The following FAT3 variants were observed in gnomAD, a reference collection of about 807,000 sequenced individuals.
The protein encoded by FAT3 is protocadherin Fat 3.
Under a neutral mutation model 310.2 loss-of-function variants are expected in FAT3, and 95 were observed. The ratio of observed to expected loss-of-function variants is 0.31; its 90% CI spans 0.26 to 0.36. The LOEUF (loss-of-function observed/expected upper bound fraction) is 0.36, where lower values mean the gene tolerates loss of function less well. Ranked by LOEUF, FAT3 falls within the 10% of genes least tolerant of loss-of-function variation. The pLI is 1.00. For synonymous variants in FAT3, 2,314 were observed against 2,192.9 expected, an observed-to-expected ratio of 1.06 and a Z score of -1.54; for missense variants, 5,408 against 5,715.6, an observed-to-expected ratio of 0.95 and a Z score of 1.74.
intron 3 of FAT3, among the ~76,000 whole-genome samples, chr11:92,673,824 A>C (rs867946685): frequency 4.6e-5 from 7 of 152,266 alleles, no homozygotes; most frequent in South Asian, 4.1e-4. Flanking sequence ...CAGGTGAGTG[A>C]GGAATCCTCC....
At chr11:92,642,267 T>C (rs1291626957) in intron 3 of FAT3, among the ~76,000 whole-genome samples, 2 of 152,242 alleles carry the variant, frequency 1.3e-5, no homozygotes, top group African/African-American at 4.8e-5. Flanking sequence ...CTTTGGGTTC[T>C]CCAGTGCCAT....
intron 23 of FAT3, among the ~76,000 whole-genome samples, chr11:92,881,943 A>G (rs1591849285): frequency 2.0e-5 from 3 of 152,174 alleles, no homozygotes; most frequent in Admixed American, 6.5e-5. Flanking sequence ...GTAGCCCTTC[A>G]CCCACCCACC....
intron 24 of FAT3, among the ~76,000 whole-genome samples, chr11:92,884,283 A>G (rs1949748516): frequency 6.6e-6 from 1 of 152,142 alleles, no homozygotes; most frequent in Admixed American, 6.5e-5. Flanking sequence ...GATAATTTAC[A>G]TTTTTTAAAG....
At chr11:92,415,173 T>G (rs901061451) in intron 2 of FAT3, among the ~76,000 whole-genome samples, 10 of 152,184 alleles carry the variant, frequency 6.6e-5, no homozygotes, top group African/African-American at 2.2e-4. Context: ...TCCTGCCAAT[T>G]TCAGTGTGGA....
intron 3 of FAT3, among the ~76,000 whole-genome samples, chr11:92,564,184 G>T (rs1955345065): frequency 6.6e-6 from 1 of 152,142 alleles, no homozygotes; most frequent in African/African-American, 2.4e-5. Context: ...ATAAAAGGAT[G>T]AAGGAAGATC....
chr11:92,491,782 C>G (rs571657531), intron 2 of FAT3, among the ~76,000 whole-genome samples: 4 of 152,148 alleles, frequency 2.6e-5, no homozygotes, highest in African/African-American at 7.2e-5. Context: ...GTCACCAGTT[C>G]TTAAGAGAGT....
chr11:92,629,218 C>A (rs1941455971), intron 3 of FAT3, among the ~76,000 whole-genome samples: 1 of 152,128 alleles, frequency 6.6e-6, no homozygotes, highest in East Asian at 1.9e-4. Context: ...GGAAATAAAT[C>A]AAGATATAGT....
intron 1 of FAT3, among the ~76,000 whole-genome samples, chr11:92,315,371 A>T (rs1299124547): frequency 6.6e-6 from 1 of 150,856 alleles, no homozygotes; most frequent in East Asian, 1.9e-4. Flanking sequence ...TGAGGACATG[A>T]TGCAAACATT....
rs1947272309 is a variant in FAT3, at chr11:92,799,545, A to G, written c.6532A>G (p.Ile2178Val). 3.1e-6 allele frequency: 5 copies of G among 1,613,736 alleles called. No homozygotes were observed. Among genetic ancestry groups the G allele is most frequent in the Non-Finnish European group, 4.2e-6 (5 of 1,179,842 alleles). Reference protein sequence around the residue: ...LSTSVELPITIVNKAMPVFDK... With the variant: ...LSTSVELPITVVNKAMPVFDK... The stretch of plus-strand genomic sequence containing the variant: ...TACATCTGTGGAGCTTCCCATCACT[A>G]TTGTCAACAAAGCAATGCCTGTGTT... The change falls in exon 10 of 28, where the codon ATT (isoleucine) becomes GTT (valine). Residue 2178 changes from isoleucine (I) to valine (V), a missense_variant. Physicochemically the swap from Ile to Val is conservative, Grantham distance 29. Transcript: ENST00000525166.
At chr11:92,772,381 C>T (rs1282697126) in intron 6 of FAT3, among the ~76,000 whole-genome samples, 1 of 151,900 alleles carries the variant, frequency 6.6e-6, no homozygotes, top group East Asian at 1.9e-4. Flanking sequence ...CTCTTTTGCT[C>T]ATGAAGATGG....
chr11:92,685,862 A>G (rs897685061), intron 3 of FAT3, among the ~76,000 whole-genome samples: 1 of 152,204 alleles, frequency 6.6e-6, no homozygotes, highest in African/African-American at 2.4e-5. Context: ...TAAAGAGCAG[A>G]GGGAAAATAC....
chr11:92,829,408 C>T (rs1423561090), intron 13 of FAT3, among the ~76,000 whole-genome samples: 3 of 152,162 alleles, frequency 2.0e-5, no homozygotes, highest in Admixed American at 6.5e-5. Context: ...TTATGTCAAT[C>T]GCTGATGTGT....
intron 22 of FAT3, among the ~76,000 whole-genome samples, chr11:92,870,195 A>C (rs1275813621): frequency 6.6e-6 from 1 of 152,222 alleles, no homozygotes; most frequent in East Asian, 1.9e-4. Flanking sequence ...CAGGCAACAC[A>C]CAACAAGAAG....
chr11:92,588,479 A>T lies in FAT3; in HGVS notation c.3607+63531A>T, dbSNP rs1190659720. Among the ~76,000 whole-genome samples the T allele has an allele frequency of 2.0e-5, 3 of 152,004 alleles. No individual in the cohort carries two copies. The South Asian group carries it at 6.2e-4, about 31-fold the overall frequency. ...AACTTCCTACTGATTTTACTTCTTGAGTGATTAGTTCCAACATTGCTTATG... is the reference window on the plus strand; with the variant it reads ...AACTTCCTACTGATTTTACTTCTTGTGTGATTAGTTCCAACATTGCTTATG... On this transcript the variant is annotated intron_variant, in intron 3 of 27. Coordinates refer to ENST00000525166, the MANE Select transcript of FAT3 (RefSeq NM_001367949.2).
intron 1 of FAT3, among the ~76,000 whole-genome samples, chr11:92,231,802 A>T (rs1864191484): frequency 1.4e-5 from 1 of 72,340 alleles, no homozygotes; most frequent in Non-Finnish European, 3.3e-5. Flanking sequence ...TATAAATATC[A>T]GGGTTTTTTT....
At chr11:92,512,025 G>C (rs1280942175) in intron 2 of FAT3, among the ~76,000 whole-genome samples, 1 of 152,080 alleles carries the variant, frequency 6.6e-6, no homozygotes, top group African/African-American at 2.4e-5. Context: ...TAGATCAGCA[G>C]CATACCTCAT....
chr11:92,578,552 A>G (rs1938613796), intron 3 of FAT3, among the ~76,000 whole-genome samples: 2 of 152,168 alleles, frequency 1.3e-5, no homozygotes, highest in South Asian at 4.1e-4. Context: ...TGTTGCCCAC[A>G]ACACAGATCT....
At chr11:92,697,342 G>GC in intron 3 of FAT3, 42 bp from the exon 4 acceptor site, 1 of 1,588,598 alleles carries the variant, frequency 6.3e-7, no homozygotes, top group Non-Finnish European at 8.6e-7. Flanking sequence ...TAAGCTGTTT[G>GC]CCCCAGATAT....
At chr11:92,825,848 A>G (rs973792670) in intron 13 of FAT3, among the ~76,000 whole-genome samples, 9 of 152,086 alleles carry the variant, frequency 5.9e-5, no homozygotes, top group Non-Finnish European at 1.2e-4. Context: ...AGTCTAGGCA[A>G]GAGAGAATGA....
Sources: gnomAD v4.1 joint callset for allele counts (sites outside exome capture counted in the v4.1 genomes callset) on GRCh38, gnomAD v4.1.1 for gene constraint, MANE v1.5 for transcripts, NCBI Gene and HGNC (gene_info 2026-07-23, HGNC 2026-07-21) for gene names.